The following ASIC2 variants were observed in gnomAD, a reference collection of about 807,000 sequenced individuals.
ASIC2 encodes acid sensing ion channel subunit 2, also known as acid-sensing ion channel 2.
ASIC2 carries 25 observed loss-of-function variants against 57.3 expected under a neutral mutation model. That is an observed-to-expected ratio of 0.44 (90% CI 0.32 to 0.61). The LOEUF (loss-of-function observed/expected upper bound fraction) is 0.61, where lower values mean the gene tolerates loss of function less well. Among genes scored for constraint, ASIC2 ranks in the 20% least tolerant of loss-of-function variants. ASIC2 has a pLI of 0.06. For synonymous variants in ASIC2, 319 were observed against 307.5 expected (o/e 1.04, Z -0.39); for missense variants, 641 against 738.1 (o/e 0.87, Z 1.52).
intron 1 of ASIC2, among the ~76,000 whole-genome samples, chr17:33,542,182 T>C (rs558570561): frequency 6.6e-6 from 1 of 152,170 alleles, no homozygotes; most frequent in Admixed American, 6.5e-5. Context: ...TCTTTGCTAT[T>C]GTGAATAATG....
At chr17:33,840,882 G>A (rs1364434288) in intron 1 of ASIC2, among the ~76,000 whole-genome samples, 1 of 150,626 alleles carries the variant, frequency 6.6e-6, no homozygotes, top group Non-Finnish European at 1.5e-5. Context: ...TCTTTTGAGG[G>A]CACATTAACA....
chr17:33,964,860 GC>G (rs1905031179), intron 1 of ASIC2, among the ~76,000 whole-genome samples: 4 of 152,358 alleles, frequency 2.6e-5, no homozygotes, highest in Admixed American at 2.0e-4. Context: ...TGCTGCTGTG[GC>G]CTTGGGGAAA....
At chr17:33,235,708 C>T (rs1228648174) in intron 1 of ASIC2, among the ~76,000 whole-genome samples, 1 of 152,088 alleles carries the variant, frequency 6.6e-6, no homozygotes, top group East Asian at 1.9e-4. Flanking sequence ...TGGAGGCAGC[C>T]CTGAACTCTT....
intron 1 of ASIC2, chr17:34,038,267 T>C (rs1283987359): frequency 3.7e-6 from 6 of 1,610,428 alleles, no homozygotes; most frequent in Middle Eastern, 2.1e-4. Context: ...TAATTTGTGC[T>C]GTTTCAGGTA....
intron 1 of ASIC2, among the ~76,000 whole-genome samples, chr17:33,773,806 T>A (rs1418894725): frequency 6.6e-6 from 1 of 151,236 alleles, no homozygotes; most frequent in Non-Finnish European, 1.5e-5. Flanking sequence ...AGGCATATGC[T>A]AGCATGCCTG....
rs138600377 is a variant in ASIC2 at position 33,972,638 on chromosome 17, G to T, written c.555+183340C>A. ...ACCTTCCACTCCCTCAAGCTAAGGT[G>T]TGAAAAGCTCAATTAGTTGTCTGTG... On this transcript the variant is annotated intron_variant, in intron 1 of 9. Coordinates refer to the ASIC2 transcript ENST00000359872. Among the ~76,000 whole-genome samples the T allele has an allele frequency of 4.4e-3, 666 of 152,350 alleles. 4 individuals carry two copies. The highest frequency in any genetic ancestry group is 0.015 in the African/African-American group (640 of 41,584).
At chr17:33,662,579 T>C (rs927351024) in intron 1 of ASIC2, among the ~76,000 whole-genome samples, 20 of 151,438 alleles carry the variant, frequency 1.3e-4, no homozygotes, top group African/African-American at 2.4e-4. Flanking sequence ...GCCGAGATCA[T>C]GCCACTGTAC....
intron 1 of ASIC2, among the ~76,000 whole-genome samples, chr17:34,060,732 A>G (rs574545368): frequency 6.6e-6 from 1 of 152,274 alleles, no homozygotes; most frequent in East Asian, 1.9e-4. Flanking sequence ...AGAATTTAAC[A>G]AGTAGAAGAA....
chr17:33,389,032 T>G (rs1909796681), intron 1 of ASIC2, among the ~76,000 whole-genome samples: 1 of 152,216 alleles, frequency 6.6e-6, no homozygotes, highest in Non-Finnish European at 1.5e-5. Context: ...CAATCTTGGC[T>G]CACTGCAACC....
chr17:33,185,275 C>A (rs1350328045), intron 1 of ASIC2, among the ~76,000 whole-genome samples: 1 of 152,080 alleles, frequency 6.6e-6, no homozygotes, highest in Non-Finnish European at 1.5e-5. Context: ...ACATGCTATT[C>A]AGGGTTCAGG....
At chr17:34,154,637 CA>C (rs747858904) in intron 1 of ASIC2, among the ~76,000 whole-genome samples, 7 of 152,084 alleles carry the variant, frequency 4.6e-5, no homozygotes, top group Non-Finnish European at 8.8e-5. Context: ...CTGGTGAATC[CA>C]AGAGGGGGTA....
intron 1 of ASIC2, among the ~76,000 whole-genome samples, chr17:33,478,085 AG>A (rs1913286735): frequency 6.6e-6 from 1 of 152,168 alleles, no homozygotes; most frequent in Non-Finnish European, 1.5e-5. Context: ...AAGGGGAACA[AG>A]GTAGCTTATT....
chr17:33,591,034 A>T (rs1402080065), intron 1 of ASIC2, among the ~76,000 whole-genome samples: 2 of 152,174 alleles, frequency 1.3e-5, no homozygotes, highest in East Asian at 3.9e-4. Context: ...AACGTGCTCA[A>T]ATGCTTGATG....
intron 1 of ASIC2, among the ~76,000 whole-genome samples, chr17:33,701,894 A>G (rs1458300123): frequency 6.6e-6 from 1 of 152,192 alleles, no homozygotes; most frequent in Non-Finnish European, 1.5e-5. Flanking sequence ...AGATGTATGT[A>G]TTTCATTGTC....
intron 3 of ASIC2, among the ~76,000 whole-genome samples, chr17:33,035,419 C>G (rs2091905292): frequency 6.6e-6 from 1 of 152,058 alleles, no homozygotes; most frequent in African/African-American, 2.4e-5. Context: ...TTTCAGATAA[C>G]TATTTTTGGT....
chr17:33,226,763 A>C (rs1451347694), intron 1 of ASIC2, among the ~76,000 whole-genome samples: 1 of 152,120 alleles, frequency 6.6e-6, no homozygotes, highest in Non-Finnish European at 1.5e-5. Context: ...ATCCACAGCC[A>C]GGGGCTCTTT....
intron 1 of ASIC2, among the ~76,000 whole-genome samples, chr17:34,131,984 A>C (rs914108743): frequency 7.9e-5 from 12 of 152,074 alleles, no homozygotes; most frequent in African/African-American, 2.9e-4. Flanking sequence ...CTTTTGTGAC[A>C]ATTGTAGGTG....
chr17:33,558,676 A>G (rs948965734), intron 1 of ASIC2, among the ~76,000 whole-genome samples: 1 of 152,182 alleles, frequency 6.6e-6, no homozygotes, highest in South Asian at 2.1e-4. Context: ...CAGCTCTACT[A>G]CTGTAACCTG....
chr17:33,679,682 G>GGGTCCTTT (rs1467046304), intron 1 of ASIC2, among the ~76,000 whole-genome samples: 3 of 152,186 alleles, frequency 2.0e-5, no homozygotes, highest in African/African-American at 7.2e-5. Flanking sequence ...AAAGCCTCCT[G>GGGTCCTTT]AGAAGGTCCT....
Sources: allele counts gnomAD v4.1 joint callset (sites outside exome capture counted in the v4.1 genomes callset), GRCh38; gene constraint gnomAD v4.1.1; transcripts MANE v1.5; gene names NCBI Gene and HGNC (gene_info 2026-07-23, HGNC 2026-07-21).